TAFA1: variants seen among roughly 807,000 people sequenced by gnomAD.
TAFA1 encodes the protein chemokine-like protein TAFA-1.
In TAFA1, 4 loss-of-function variants were observed where a neutral mutation model predicts 18.5. The observed-to-expected ratio is 0.22, with a 90% confidence interval of 0.11 to 0.49. TAFA1 has a LOEUF of 0.49. Among genes scored for constraint, TAFA1 ranks in the 20% least tolerant of loss-of-function variants. The pLI is 0.98. For synonymous variants in TAFA1, 56 were observed against 55.2 expected (o/e 1.01, Z -0.06); for missense variants, 147 against 169.0 (o/e 0.87, Z 0.72).
At chr3:68,521,891 A>T in intron 3 of TAFA1, among the ~76,000 whole-genome samples, 1 of 94,292 alleles carries the variant, frequency 1.1e-5, no homozygotes, top group African/African-American at 4.2e-5. Context: ...ATAGGGTCTC[A>T]CTCTGTTACG....
chr3:68,212,446 A>G (rs968176465), intron 2 of TAFA1, among the ~76,000 whole-genome samples: 5 of 152,006 alleles, frequency 3.3e-5, no homozygotes, highest in African/African-American at 1.2e-4. Context: ...ATAGAGGGTC[A>G]GTTTCAGCTG....
intron 2 of TAFA1, among the ~76,000 whole-genome samples, chr3:68,329,770 A>T (rs1224844488): frequency 6.6e-6 from 1 of 152,214 alleles, no homozygotes; most frequent in African/African-American, 2.4e-5. Flanking sequence ...GTGGCTGTGT[A>T]TGAATAATCT....
chr3:68,328,815 A>T (rs1325158218), intron 2 of TAFA1, among the ~76,000 whole-genome samples: 2 of 152,096 alleles, frequency 1.3e-5, no homozygotes, highest in African/African-American at 4.8e-5. Context: ...ATGAACTTGA[A>T]CTAGAAATTA....
rs62245813 is a variant in TAFA1 at position 68,418,462 on chromosome 3, A to G, written c.259+1042A>G. On this transcript the variant is annotated intron_variant, in intron 3 of 4. Transcript: ENST00000478136. ...ATTTTCACTTCTTTTGTGGTGGAAT[A>G]TCATCAGTTAAGGCAAGGACCGGCC... is the stretch of plus-strand genomic sequence containing the variant. 1.3e-3 allele frequency among the ~76,000 whole-genome samples: 67 copies of G among 51,216 alleles called. 3 individuals are homozygous for G. Among genetic ancestry groups the G allele is most frequent in the Admixed American group, 3.6e-3 (18 of 5,002 alleles). The allele number at this position is 51,216 out of a possible 152,430, so 33.6% of individuals were successfully genotyped here. A position where few individuals can be genotyped will look rare whatever the true frequency, so the allele number is the denominator to read the frequency against.
At chr3:68,524,300 C>A (rs558355875) in intron 3 of TAFA1, among the ~76,000 whole-genome samples, 1 of 152,194 alleles carries the variant, frequency 6.6e-6, no homozygotes, top group South Asian at 2.1e-4. Flanking sequence ...ACCTTCAAAT[C>A]TCTTCTTGTC....
chr3:68,198,806 A>G (rs1386679423), intron 2 of TAFA1, among the ~76,000 whole-genome samples: 1 of 151,510 alleles, frequency 6.6e-6, no homozygotes, highest in East Asian at 1.9e-4. Context: ...ATTTTCACCA[A>G]TTCTGTGGTT....
At chr3:68,536,938 C>T (rs969522296) in intron 3 of TAFA1, among the ~76,000 whole-genome samples, 1 of 152,148 alleles carries the variant, frequency 6.6e-6, no homozygotes, top group Admixed American at 6.5e-5. Flanking sequence ...TAATATTACT[C>T]TTGACTTTTA....
At chr3:68,473,799 C>T (rs774870043) in intron 3 of TAFA1, among the ~76,000 whole-genome samples, 4 of 152,154 alleles carry the variant, frequency 2.6e-5, no homozygotes, top group Non-Finnish European at 2.9e-5. Flanking sequence ...TTTAAGGTAG[C>T]ATGCTCACTC....
intron 3 of TAFA1, among the ~76,000 whole-genome samples, chr3:68,495,510 C>A (rs1226375867): frequency 6.6e-6 from 1 of 152,136 alleles, no homozygotes; most frequent in Non-Finnish European, 1.5e-5. Context: ...TATATGAATT[C>A]TTAATCCAAG....
intron 3 of TAFA1, among the ~76,000 whole-genome samples, chr3:68,448,552 C>T (rs894207390): frequency 3.3e-5 from 5 of 151,700 alleles, no homozygotes; most frequent in Admixed American, 3.3e-4. Context: ...TGCATTCTTT[C>T]ATAATTGAAG....
intron 2 of TAFA1, among the ~76,000 whole-genome samples, chr3:68,229,822 C>T (rs1351985096): frequency 2.0e-5 from 3 of 152,114 alleles, no homozygotes; most frequent in African/African-American, 7.2e-5. Context: ...CCCCTTAAGG[C>T]TCAGTTTCTT....
In TAFA1 at chr3:68,056,679, C is replaced by A. The variant is rs9856164; in HGVS notation, c.118+49935C>A. 7.0e-3 allele frequency among the ~76,000 whole-genome samples: 1,060 copies of A among 152,216 alleles called. 11 individuals carry two copies. The highest frequency in any genetic ancestry group is 0.024 in the African/African-American group (981 of 41,550). ...CTTCAGAAATTTCCCAGTAGAGAAG[C>A]AAGGGTGTGGGAGATTTACATGCCA... On this transcript the variant is annotated intron_variant, in intron 2 of 4. Coordinates refer to ENST00000478136, the MANE Select transcript of TAFA1 (RefSeq NM_213609.4).
At chr3:68,085,555 A>C (rs987177298) in intron 2 of TAFA1, among the ~76,000 whole-genome samples, 1 of 152,204 alleles carries the variant, frequency 6.6e-6, no homozygotes, top group Admixed American at 6.5e-5. Flanking sequence ...TACATTGTCA[A>C]ATATGGCTCT....
intron 2 of TAFA1, among the ~76,000 whole-genome samples, chr3:68,268,820 C>T (rs1232636451): frequency 6.6e-6 from 1 of 152,108 alleles, no homozygotes; most frequent in African/African-American, 2.4e-5. Context: ...GTTGGGTAAT[C>T]ATGATAATTA....
rs564601180 is a variant in TAFA1, at chr3:68,227,835, T to C, written c.119-189445T>C. Among the ~76,000 whole-genome samples, 3 of 152,254 alleles carry C rather than the reference T, an allele frequency of 2.0e-5. No homozygotes were observed. In the East Asian group the frequency reaches 5.8e-4, roughly 29 times the overall value. On this transcript the variant is annotated intron_variant, in intron 2 of 4. Coordinates refer to ENST00000478136, the MANE Select transcript of TAFA1 (RefSeq NM_213609.4). The stretch of plus-strand genomic sequence containing the variant: ...GGGGCTTTTCATTTTATTAAAATGA[T>C]TTTTTTCCCACTACATGTGCTCCAT...
intron 3 of TAFA1, among the ~76,000 whole-genome samples, chr3:68,450,129 G>T (rs2071547628): frequency 1.3e-5 from 2 of 152,174 alleles, no homozygotes; most frequent in Non-Finnish European, 2.9e-5. Context: ...GGAAAGAAGG[G>T]ATGCAGTCAA....
At chr3:68,228,477 C>T (rs1181651200) in intron 2 of TAFA1, among the ~76,000 whole-genome samples, 7 of 152,150 alleles carry the variant, frequency 4.6e-5, no homozygotes, top group Admixed American at 2.0e-4. Flanking sequence ...AATATTTCCG[C>T]AGAAAATACA....
At chr3:68,055,173 C>T (rs1166851441) in intron 2 of TAFA1, among the ~76,000 whole-genome samples, 1 of 152,076 alleles carries the variant, frequency 6.6e-6, no homozygotes, top group African/African-American at 2.4e-5. Context: ...GAAACTTAAT[C>T]CCCTGAAGAA....
At chr3:68,506,284 A>G (rs534834935) in intron 3 of TAFA1, among the ~76,000 whole-genome samples, 1 of 152,200 alleles carries the variant, frequency 6.6e-6, no homozygotes, top group Admixed American at 6.5e-5. Flanking sequence ...TATCCAGTCT[A>G]TCACTGATGG....
Sources: allele counts gnomAD v4.1 joint callset (sites outside exome capture counted in the v4.1 genomes callset), GRCh38; gene constraint gnomAD v4.1.1; transcripts MANE v1.5; gene names NCBI Gene and HGNC (gene_info 2026-07-23, HGNC 2026-07-21).